The following HPSE2 variants were observed in gnomAD, a reference collection of about 807,000 sequenced individuals.
The protein encoded by HPSE2 is heparanase 2 (inactive).
A neutral mutation model predicts 60.5 loss-of-function variants in HPSE2; 38 were observed. The ratio of observed to expected loss-of-function variants is 0.63; its 90% CI spans 0.48 to 0.82. The LOEUF (loss-of-function observed/expected upper bound fraction) is 0.82, where lower values mean the gene tolerates loss of function less well. HPSE2 is among the 40% of genes least tolerant of loss of function. The pLI, the probability that HPSE2 is intolerant of heterozygous loss-of-function variation, is 0.00. For missense variants in HPSE2, 713 were observed against 740.4 expected (o/e 0.96, Z 0.43); for synonymous variants, 295 against 293.2 (o/e 1.01, Z -0.06).
intron 3 of HPSE2, among the ~76,000 whole-genome samples, chr10:99,079,134 G>A (rs1245650013): frequency 1.3e-5 from 2 of 152,136 alleles, no homozygotes; most frequent in African/African-American, 2.4e-5. Context: ...CACAGTCTTT[G>A]TCTGCACTGG....
intron 3 of HPSE2, among the ~76,000 whole-genome samples, chr10:98,751,956 A>C (rs965164076): frequency 3.9e-5 from 6 of 152,266 alleles, no homozygotes; most frequent in African/African-American, 1.4e-4. Flanking sequence ...TTTAAAAAGT[A>C]AGTCTTTAAT....
At chr10:98,586,981 T>G (rs1423738258) in intron 9 of HPSE2, among the ~76,000 whole-genome samples, 2 of 152,224 alleles carry the variant, frequency 1.3e-5, no homozygotes, top group Non-Finnish European at 2.9e-5. Context: ...CCTGTCTTCT[T>G]AAGTAAATAT....
At chr10:98,633,221 C>T (rs748675522) in intron 7 of HPSE2, among the ~76,000 whole-genome samples, 27 of 151,898 alleles carry the variant, frequency 1.8e-4, no homozygotes, top group Non-Finnish European at 3.1e-4. Context: ...TTTTTGGAAA[C>T]AGGGTCTTGT....
chr10:99,095,157 G>C (rs1447668371), intron 3 of HPSE2, among the ~76,000 whole-genome samples: 1 of 151,720 alleles, frequency 6.6e-6, no homozygotes, highest in East Asian at 1.9e-4. Flanking sequence ...CTGCACTTTA[G>C]GTGGATAACA....
chr10:98,950,633 C>T (rs1321498410), intron 3 of HPSE2, among the ~76,000 whole-genome samples: 1 of 152,140 alleles, frequency 6.6e-6, no homozygotes, highest in Non-Finnish European at 1.5e-5. Flanking sequence ...GTCAGGAACA[C>T]AGAAACAATA....
chr10:99,226,131 T>TTG (rs1173155397), intron 2 of HPSE2, among the ~76,000 whole-genome samples: 1 of 152,006 alleles, frequency 6.6e-6, no homozygotes, highest in East Asian at 1.9e-4. Flanking sequence ...GTGGTCTCCT[T>TTG]CCTGCCCAAA....
intron 3 of HPSE2, among the ~76,000 whole-genome samples, chr10:98,838,458 T>C (rs1157699769): frequency 6.8e-6 from 1 of 148,090 alleles, no homozygotes; most frequent in East Asian, 2.0e-4. Context: ...CAGGCCTGAT[T>C]CATTTTTTTT....
intron 3 of HPSE2, among the ~76,000 whole-genome samples, chr10:98,846,379 G>A (rs949119416): frequency 1.3e-5 from 2 of 152,166 alleles, no homozygotes; most frequent in Non-Finnish European, 2.9e-5. Flanking sequence ...AATTAAACCT[G>A]GGTTTTGAAG....
chr10:98,641,160 A>C (rs1946627531), intron 7 of HPSE2, among the ~76,000 whole-genome samples: 2 of 152,244 alleles, frequency 1.3e-5, no homozygotes, highest in African/African-American at 4.8e-5. Context: ...AATTTCACTG[A>C]ATGAATATAA....
At chr10:98,765,820 G>A (rs1456200088) in intron 3 of HPSE2, among the ~76,000 whole-genome samples, 1 of 152,096 alleles carries the variant, frequency 6.6e-6, no homozygotes, top group Non-Finnish European at 1.5e-5. Context: ...TCCAGCCTGG[G>A]TGACAGAGCA....
chr10:98,761,036 C>T (rs1949992744), intron 3 of HPSE2, among the ~76,000 whole-genome samples: 1 of 152,024 alleles, frequency 6.6e-6, no homozygotes. Flanking sequence ...ATGGTTTAAT[C>T]TTCATAGGTT....
chr10:99,040,221 T>C (rs1957706684), intron 3 of HPSE2, among the ~76,000 whole-genome samples: 1 of 152,246 alleles, frequency 6.6e-6, no homozygotes, highest in South Asian at 2.1e-4. Flanking sequence ...GCATTCTTTT[T>C]AATAGTTGTA....
At chr10:99,172,004 T>A (rs1435093414) in intron 2 of HPSE2, among the ~76,000 whole-genome samples, 1 of 152,162 alleles carries the variant, frequency 6.6e-6, no homozygotes, top group East Asian at 1.9e-4. Flanking sequence ...AAAATTAAAA[T>A]AAAGATTTAG....
At chr10:98,937,391 C>T (rs1383493945) in intron 3 of HPSE2, among the ~76,000 whole-genome samples, 3 of 144,562 alleles carry the variant, frequency 2.1e-5, no homozygotes, top group South Asian at 2.1e-4. Flanking sequence ...CCTAATACTG[C>T]GCTTTTCCGA....
the HPSE2 span, among the ~76,000 whole-genome samples, chr10:99,259,942 C>T: frequency 6.6e-6 from 1 of 152,250 alleles, no homozygotes; most frequent in Non-Finnish European, 1.5e-5. Context: ...AGTTTCAACC[C>T]GAAATCATCC....
At chr10:99,310,678 G>A in the HPSE2 span, among the ~76,000 whole-genome samples, 1 of 152,174 alleles carries the variant, frequency 6.6e-6, no homozygotes, top group African/African-American at 2.4e-5. Context: ...TCAGGCTGGA[G>A]TGCAGTGGTG....
At chr10:98,789,710 T>A (rs1950616035) in intron 3 of HPSE2, among the ~76,000 whole-genome samples, 1 of 152,180 alleles carries the variant, frequency 6.6e-6, no homozygotes, top group South Asian at 2.1e-4. Context: ...CCTCATTTCT[T>A]ATAGCTGGAT....
chr10:98,707,826 T>C (rs1043166200), intron 5 of HPSE2, among the ~76,000 whole-genome samples: 1 of 152,180 alleles, frequency 6.6e-6, no homozygotes, highest in African/African-American at 2.4e-5. Flanking sequence ...TTTCAAGCTT[T>C]ACAAAACCAT....
chr10:98,962,646 T>C (rs1955708184), intron 3 of HPSE2, among the ~76,000 whole-genome samples: 3 of 150,452 alleles, frequency 2.0e-5, no homozygotes, highest in Admixed American at 1.3e-4. Flanking sequence ...AAATTGTCCC[T>C]GTTTGCAGAC....
Sources: allele counts gnomAD v4.1 joint callset (sites outside exome capture counted in the v4.1 genomes callset), GRCh38; gene constraint gnomAD v4.1.1; transcripts MANE v1.5; gene names NCBI Gene and HGNC (gene_info 2026-07-23, HGNC 2026-07-21).